The following RAD51B variants were observed in gnomAD, a reference collection of about 807,000 sequenced individuals.
RAD51B encodes RAD51 paralog B, also known as DNA repair protein RAD51 homolog 2.
Under a neutral mutation model 42.2 loss-of-function variants are expected in RAD51B, and 38 were observed. That is an observed-to-expected ratio of 0.90 (90% CI 0.70 to 1.18). The LOEUF is 1.18. Ranked by LOEUF, RAD51B falls within the 50% of genes most tolerant of loss-of-function variation. The pLI, the probability that RAD51B is intolerant of heterozygous loss-of-function variation, is 0.00. For synonymous variants in RAD51B, 154 were observed against 145.2 expected (o/e 1.06, Z -0.43); for missense variants, 373 against 400.7 (o/e 0.93, Z 0.59).
chr14:67,895,411 G>C (rs998970633), intron 7 of RAD51B, among the ~76,000 whole-genome samples: 2 of 152,100 alleles, frequency 1.3e-5, no homozygotes, highest in Non-Finnish European at 2.9e-5. Context: ...TTCCATCCTG[G>C]GTTGTTATTG....
At chr14:68,198,530 T>C (rs1031802130) in intron 7 of RAD51B, among the ~76,000 whole-genome samples, 3 of 152,194 alleles carry the variant, frequency 2.0e-5, no homozygotes, top group Non-Finnish European at 2.9e-5. Flanking sequence ...TCAGGGTGAA[T>C]TGACATCTTT....
intron 7 of RAD51B, among the ~76,000 whole-genome samples, chr14:67,905,544 G>A (rs1370547373): frequency 1.3e-5 from 2 of 152,064 alleles, no homozygotes; most frequent in Admixed American, 6.6e-5. Context: ...CAATCCATGA[G>A]CATGGAATGT....
rs79038337 is a variant in RAD51B, at chr14:68,067,477, C to CA, written c.756+180286dup. Among the ~76,000 whole-genome samples, 701 of 101,732 alleles carry CA rather than the reference C, an allele frequency of 6.9e-3. 7 individuals carry two copies. Among genetic ancestry groups the CA allele is most frequent in the East Asian group, 0.051 (177 of 3,486 alleles). The allele number at this position is 101,732 out of a possible 152,430, so 66.7% of individuals were successfully genotyped here. ...AGACTCCATCTCGGAAAAAAAAAAA[C>CA]AAAAAAAAAAAAACAGGAAAAGAAA... On this transcript the variant is annotated intron_variant, in intron 7 of 10. Transcript: ENST00000471583.
At position 68,294,646 on chromosome 14, in the gene RAD51B, G is replaced by A. The variant is rs1173569687; in HGVS notation, c.853+2666G>A. 2.0e-5 allele frequency among the ~76,000 whole-genome samples: 3 copies of A among 152,184 alleles called. No homozygotes were observed. The South Asian group carries it at 6.2e-4, about 32-fold the overall frequency. The stretch of plus-strand genomic sequence containing the variant: ...ATTGCTAAAGTGTTTTCCAGCTCTA[G>A]CATATAAGATCATGAGGTAGGTCTG... On this transcript the variant is annotated intron_variant, in intron 8 of 10. Transcript: ENST00000471583.
At chr14:68,628,531 C>G (rs1303475865) in intron 10 of RAD51B, 1 of 152,276 alleles carries the variant, frequency 6.6e-6, no homozygotes, top group Non-Finnish European at 1.5e-5. Context: ...TCCCCCCATC[C>G]CTGCTCCAAA....
At chr14:68,528,145 G>A (rs779494492) in intron 10 of RAD51B, among the ~76,000 whole-genome samples, 5 of 152,098 alleles carry the variant, frequency 3.3e-5, no homozygotes, top group Admixed American at 6.5e-5. Flanking sequence ...CCAGTCTTCC[G>A]TACCATACAT....
At chr14:68,556,832 C>T (rs577785766) in intron 10 of RAD51B, among the ~76,000 whole-genome samples, 5 of 152,288 alleles carry the variant, frequency 3.3e-5, no homozygotes, top group East Asian at 1.9e-4. Context: ...TAGAGGATGG[C>T]GCCTGCATAC....
chr14:68,472,134 T>G (rs1265745755), intron 10 of RAD51B: 1 of 152,412 alleles, frequency 6.6e-6, no homozygotes, highest in Admixed American at 6.5e-5. Flanking sequence ...GAGCAGGAGT[T>G]GGTTCTGGGA....
intron 7 of RAD51B, among the ~76,000 whole-genome samples, chr14:68,123,916 C>T (rs1175859919): frequency 6.6e-6 from 1 of 152,116 alleles, no homozygotes; most frequent in Non-Finnish European, 1.5e-5. Flanking sequence ...TTCATTTATC[C>T]ATCTTGGATA....
At chr14:68,183,986 G>GT (rs922667722) in intron 7 of RAD51B, among the ~76,000 whole-genome samples, 1 of 5,562 alleles carries the variant, frequency 1.8e-4, no homozygotes, top group African/African-American at 4.6e-4. Context: ...CAGCTACTCG[G>GT]GGGGGGTGAG....
intron 8 of RAD51B, among the ~76,000 whole-genome samples, chr14:68,321,006 G>C (rs2139763979): frequency 6.6e-6 from 1 of 152,190 alleles, no homozygotes; most frequent in African/African-American, 2.4e-5. Context: ...CAGAAGTATA[G>C]AAACCTCCTC....
chr14:67,837,636 G>T, intron 4 of RAD51B, among the ~76,000 whole-genome samples: 1 of 143,496 alleles, frequency 7.0e-6, no homozygotes, highest in African/African-American at 2.6e-5. Flanking sequence ...TCCTCAAACA[G>T]AGTTTTTTTT....
At chr14:68,454,855 G>T (rs1442582957) in intron 9 of RAD51B, among the ~76,000 whole-genome samples, 1 of 152,152 alleles carries the variant, frequency 6.6e-6, no homozygotes, top group Non-Finnish European at 1.5e-5. Flanking sequence ...AAATCTGGGG[G>T]AATGAGATAG....
intron 7 of RAD51B, among the ~76,000 whole-genome samples, chr14:67,975,049 T>C (rs957424421): frequency 1.3e-5 from 2 of 152,218 alleles, no homozygotes; most frequent in African/African-American, 4.8e-5. Context: ...TAGTTATCAA[T>C]TGCCATAACA....
At chr14:68,209,443 C>T (rs925306489) in intron 7 of RAD51B, among the ~76,000 whole-genome samples, 2 of 152,206 alleles carry the variant, frequency 1.3e-5, no homozygotes, top group African/African-American at 4.8e-5. Context: ...CACAGCTTCA[C>T]TGATAACTCT....
At chr14:68,578,341 G>A (rs1028405233) in intron 10 of RAD51B, among the ~76,000 whole-genome samples, 1 of 152,306 alleles carries the variant, frequency 6.6e-6, no homozygotes, top group South Asian at 2.1e-4. Context: ...AACCCGGGAG[G>A]TGGAGGTTGT....
At chr14:68,334,701 T>TAGTG (rs2082411426) in intron 8 of RAD51B, among the ~76,000 whole-genome samples, 1 of 152,094 alleles carries the variant, frequency 6.6e-6, no homozygotes, top group Non-Finnish European at 1.5e-5. Flanking sequence ...CCATTGTGAA[T>TAGTG]AGTGCTTCCA....
intron 7 of RAD51B, among the ~76,000 whole-genome samples, chr14:68,039,876 A>T (rs1440095264): frequency 2.6e-5 from 4 of 152,212 alleles, no homozygotes; most frequent in Admixed American, 2.6e-4. Flanking sequence ...CTTTGACCAC[A>T]AATTACCTAA....
chr14:68,177,662 AG>A (rs1382471172), intron 7 of RAD51B, among the ~76,000 whole-genome samples: 1 of 151,968 alleles, frequency 6.6e-6, no homozygotes, highest in Non-Finnish European at 1.5e-5. Context: ...GAAGCAATTA[AG>A]TTTTTTTTTT....
Sources: allele counts gnomAD v4.1 joint callset (sites outside exome capture counted in the v4.1 genomes callset), GRCh38; gene constraint gnomAD v4.1.1; transcripts MANE v1.5; gene names NCBI Gene and HGNC (gene_info 2026-07-23, HGNC 2026-07-21).